The following DIP2C variants were observed in gnomAD, a reference collection of about 807,000 sequenced individuals.
DIP2C encodes the protein disco-interacting protein 2 homolog C.
In DIP2C, 33 loss-of-function variants were observed where a neutral mutation model predicts 192.4. That is an observed-to-expected ratio of 0.17 (90% CI 0.13 to 0.23). DIP2C has a LOEUF of 0.23. Among genes scored for constraint, DIP2C ranks in the 10% least tolerant of loss-of-function variants. DIP2C has a pLI of 1.00. For synonymous variants in DIP2C, 979 were observed against 864.1 expected, an observed-to-expected ratio of 1.13 and a Z score of -2.33; for missense variants, 1,537 against 2,110.1, an observed-to-expected ratio of 0.73 and a Z score of 5.32.
intron 31 of DIP2C, among the ~76,000 whole-genome samples, chr10:325,264 C>CA (rs1957224218): frequency 6.7e-6 from 1 of 149,442 alleles, no homozygotes; most frequent in Non-Finnish European, 1.5e-5. Context: ...TACTCCATCT[C>CA]AAAAACAAAC....
intron 1 of DIP2C, among the ~76,000 whole-genome samples, chr10:550,378 A>G (rs529192218): frequency 6.6e-6 from 1 of 152,344 alleles, no homozygotes; most frequent in African/African-American, 2.4e-5. Context: ...TTGCACTTCA[A>G]GCATTCAATT....
intron 34 of DIP2C, among the ~76,000 whole-genome samples, chr10:285,513 G>A (rs1955066014): frequency 6.6e-6 from 1 of 152,224 alleles, no homozygotes; most frequent in Admixed American, 6.5e-5. Context: ...ACCGTGGGAG[G>A]AGGCTGGCTC....
intron 32 of DIP2C, among the ~76,000 whole-genome samples, chr10:293,589 A>C (rs186049885): frequency 2.0e-5 from 3 of 152,372 alleles, no homozygotes; most frequent in Admixed American, 2.0e-4. Context: ...AGATGCTGTG[A>C]CTGAGTCTAG....
At chr10:611,942 C>T (rs986017945) in intron 1 of DIP2C, among the ~76,000 whole-genome samples, 6 of 151,956 alleles carry the variant, frequency 3.9e-5, no homozygotes, top group Admixed American at 1.3e-4. Flanking sequence ...TCCAAGTAAG[C>T]TCTTTAATTT....
At chr10:435,993 A>C (rs985723839) in intron 4 of DIP2C, among the ~76,000 whole-genome samples, 3 of 151,718 alleles carry the variant, frequency 2.0e-5, no homozygotes, top group Non-Finnish European at 4.4e-5. Flanking sequence ...AGGTACAATT[A>C]ATTTTATTAA....
intron 1 of DIP2C, among the ~76,000 whole-genome samples, chr10:646,954 T>C (rs1428488745): frequency 6.6e-6 from 1 of 152,264 alleles, no homozygotes; most frequent in Non-Finnish European, 1.5e-5. Context: ...AAAAACAATG[T>C]TTCTTCCTTT....
intron 1 of DIP2C, among the ~76,000 whole-genome samples, chr10:534,871 T>G (rs1023891672): frequency 4.6e-5 from 7 of 151,528 alleles, no homozygotes; most frequent in Admixed American, 3.3e-4. Context: ...AGAGACGGGG[T>G]TTCACCTTGT....
intron 10 of DIP2C, among the ~76,000 whole-genome samples, chr10:398,904 G>A (rs965651490): frequency 1.3e-5 from 2 of 152,100 alleles, no homozygotes; most frequent in South Asian, 2.1e-4. Context: ...GCTGATCCAC[G>A]TTTGACCCCA....
intron 29 of DIP2C, among the ~76,000 whole-genome samples, chr10:339,848 T>C (rs190987333): frequency 6.6e-6 from 1 of 152,350 alleles, no homozygotes; most frequent in East Asian, 1.9e-4. Context: ...TTAATACAAC[T>C]TAATACTATT....
chr10:511,241 C>G (rs963795112), intron 1 of DIP2C, among the ~76,000 whole-genome samples: 1 of 152,168 alleles, frequency 6.6e-6, no homozygotes, highest in African/African-American at 2.4e-5. Flanking sequence ...CCTGCAAACT[C>G]GCCTCAATCA....
chr10:624,832 C>T (rs945915489), intron 1 of DIP2C, among the ~76,000 whole-genome samples: 9 of 152,144 alleles, frequency 5.9e-5, no homozygotes, highest in South Asian at 4.1e-4. Flanking sequence ...GAGAAAACTA[C>T]GGAAGCTGTG....
chr10:339,579 T>TAC (rs1280228577), intron 29 of DIP2C, among the ~76,000 whole-genome samples: 1 of 152,200 alleles, frequency 6.6e-6, no homozygotes, highest in Admixed American at 6.5e-5. Flanking sequence ...TTTACTGGTA[T>TAC]ACTTTGCCAA....
chr10:296,130 T>G (rs1955742758), intron 32 of DIP2C, among the ~76,000 whole-genome samples: 2 of 152,224 alleles, frequency 1.3e-5, no homozygotes, highest in South Asian at 4.1e-4. Flanking sequence ...TTTAATTAGA[T>G]CCCATTTGCC....
chr10:433,838 A>T (rs1261301302), intron 4 of DIP2C, among the ~76,000 whole-genome samples: 2 of 152,228 alleles, frequency 1.3e-5, no homozygotes, highest in East Asian at 3.8e-4. Flanking sequence ...GAGTAATGAT[A>T]TACAGTTGAA....
chr10:372,074 C>CATTTTT (rs775885590), intron 17 of DIP2C, among the ~76,000 whole-genome samples: 3 of 137,584 alleles, frequency 2.2e-5, no homozygotes, highest in East Asian at 4.2e-4. Context: ...ACCCCCTTTC[C>CATTTTT]TTTTTTTTTT....
chr10:381,026 G>C (rs4242758), intron 17 of DIP2C, among the ~76,000 whole-genome samples: 1 of 151,960 alleles, frequency 6.6e-6, no homozygotes, highest in Non-Finnish European at 1.5e-5. Flanking sequence ...TGGTGGAAAC[G>C]CAAGTACGAG....
At chr10:601,062 C>G (rs1320375437) in intron 1 of DIP2C, among the ~76,000 whole-genome samples, 1 of 151,936 alleles carries the variant, frequency 6.6e-6, no homozygotes, top group Non-Finnish European at 1.5e-5. Flanking sequence ...CTGGCGTACT[C>G]TGAAATGAAT....
chr10:392,485 A>G (rs1963544618), intron 10 of DIP2C, among the ~76,000 whole-genome samples: 1 of 152,234 alleles, frequency 6.6e-6, no homozygotes, highest in African/African-American at 2.4e-5. Flanking sequence ...AAACCACAGG[A>G]GCAGCAGGCC....
At chr10:539,811 A>G (rs1299478694) in intron 1 of DIP2C, among the ~76,000 whole-genome samples, 3 of 152,226 alleles carry the variant, frequency 2.0e-5, no homozygotes, top group Admixed American at 2.0e-4. Context: ...TTAAAGTGAA[A>G]TAACAGTTTT....
Sources: allele counts gnomAD v4.1 joint callset (sites outside exome capture counted in the v4.1 genomes callset), GRCh38; gene constraint gnomAD v4.1.1; transcripts MANE v1.5; gene names NCBI Gene and HGNC (gene_info 2026-07-23, HGNC 2026-07-21).